YJU2B: variants seen among roughly 807,000 people sequenced by gnomAD.
YJU2B encodes the protein probable splicing factor YJU2B.
A neutral mutation model predicts 38.0 loss-of-function variants in YJU2B; 18 were observed. The ratio of observed to expected loss-of-function variants is 0.47; its 90% CI spans 0.33 to 0.70. YJU2B has a LOEUF of 0.70. Ranked by LOEUF, YJU2B falls within the 30% of genes least tolerant of loss-of-function variation. The pLI is 0.02. For synonymous variants in YJU2B, 246 were observed against 225.4 expected, an observed-to-expected ratio of 1.09 and a Z score of -0.82; for missense variants, 538 against 556.3, an observed-to-expected ratio of 0.97 and a Z score of 0.33.
intron 8 of YJU2B, chr19:13,759,627 A>T (rs1283668785): frequency 1.3e-5 from 2 of 154,772 alleles, no homozygotes; most frequent in Admixed American, 6.7e-5. Context: ...ATAGAAATTA[A>T]TTTTTTTTTT....
upstream of YJU2B, among the ~76,000 whole-genome samples, chr19:13,745,741 A>C (rs1366169886): frequency 2.4e-4 from 22 of 89,866 alleles, no homozygotes; most frequent in South Asian, 1.4e-3. Context: ...ATATATATAT[A>C]TAGATATATA....
In YJU2B at chr19:13,751,642, G is replaced by A. The variant is rs761404701; in HGVS notation, c.-167G>A. 1.7e-5 allele frequency: 11 copies of A among 660,580 alleles called. No individual in the cohort carries two copies. The highest frequency in any genetic ancestry group is 2.7e-5 in the East Asian group (1 of 36,862). The allele number at this position is 660,580 out of a possible 1,614,324, so 40.9% of individuals were successfully genotyped here. On this transcript the variant is annotated 5_prime_UTR_variant, in exon 2 of 10. Transcript: ENST00000221554. ...TTTTTGGATGCCTCCTATGCCTGGC[G>A]GGAGTCTTGTCTGAGCTGGCACCAC...
chr19:13,759,353 T>C, intron 8 of YJU2B, 81 bp downstream of exon 8: 1 of 1,195,708 alleles, frequency 8.4e-7, no homozygotes, highest in Non-Finnish European at 1.2e-6. Flanking sequence ...CACCACATCC[T>C]AGCTTTGAGC....
At position 13,751,615 on chromosome 19, in the gene YJU2B, G is replaced by A. The variant is rs367968958; in HGVS notation, c.-194G>A. Reference sequence around the variant, plus strand: ...CTCTCTCTTTCTAAACAGACACGCCGCTTTTTGGATGCCTCCTATGCCTGG... The same window carrying A: ...CTCTCTCTTTCTAAACAGACACGCCACTTTTTGGATGCCTCCTATGCCTGG... On this transcript the variant is annotated 5_prime_UTR_variant, in exon 2 of 10. Transcript: ENST00000221554. 8.0e-5 allele frequency: 48 copies of A among 598,712 alleles called. No homozygotes were observed. Among genetic ancestry groups the A allele is most frequent in the East Asian group, 7.4e-4 (26 of 35,370 alleles). 37.1% of individuals were successfully genotyped at this position (598,712 alleles called of 1,614,324 possible).
At chr19:13,742,377 A>G (rs1973118538) in intron 2 of YJU2B, among the ~76,000 whole-genome samples, 2 of 137,172 alleles carry the variant, frequency 1.5e-5, no homozygotes, top group Admixed American at 1.8e-4. Context: ...ATCTCGGCTC[A>G]CTGCAACCTC....
intron 1 of YJU2B, among the ~76,000 whole-genome samples, chr19:13,751,019 G>C (rs980325815): frequency 2.0e-5 from 3 of 152,156 alleles, no homozygotes; most frequent in Non-Finnish European, 4.4e-5. Flanking sequence ...GGCTTGGAGA[G>C]GCAGGCAGGG....
At chr19:13,735,425 G>A (rs562044890) in intron 2 of YJU2B, among the ~76,000 whole-genome samples, 1 of 152,060 alleles carries the variant, frequency 6.6e-6, no homozygotes, top group Non-Finnish European at 1.5e-5. Flanking sequence ...TGAGGATGTT[G>A]AGGTGATTTC....
At chr19:13,762,130 G>T (rs575877032) in intron 8 of YJU2B, among the ~76,000 whole-genome samples, 169 bp from the exon 9 acceptor site, 1 of 152,142 alleles carries the variant, frequency 6.6e-6, no homozygotes, top group African/African-American at 2.4e-5. Flanking sequence ...AGGAGTTCGA[G>T]GCTGCAGTGA....
intron 2 of YJU2B, among the ~76,000 whole-genome samples, chr19:13,736,998 G>T (rs1348269845): frequency 1.4e-5 from 2 of 144,000 alleles, no homozygotes; most frequent in East Asian, 4.1e-4. Flanking sequence ...CTGTGCTCCA[G>T]CCTGAGCAAC....
chr19:13,749,372 G>C (rs916028018), intron 1 of YJU2B, among the ~76,000 whole-genome samples: 2 of 152,130 alleles, frequency 1.3e-5, no homozygotes, highest in African/African-American at 4.8e-5. Flanking sequence ...GTGACATGAC[G>C]ATTATGTGAA....
chr19:13,754,480 G>C (rs1206031223), intron 3 of YJU2B, 138 bp downstream of exon 3: 1 of 722,478 alleles, frequency 1.4e-6, no homozygotes, highest in Non-Finnish European at 2.5e-6. Context: ...GAGTCTCGAG[G>C]CTGTCTTCAC....
chr19:13,762,364 G>A lies in YJU2B; in HGVS notation c.639G>A (p.Leu213=). Residue 213 remains leucine (L), a synonymous_variant, in exon 9 of 10, where the codon CTG becomes CTA. Transcript: ENST00000221554. ...AGGCCTTGCAGGCCAAGGCGAGCCT[G>A]ACCATCCCGCTGGTGCCCGAGACGG... ...RDQALQAKAS[L]TIPLVPETED... 6 of 1,614,016 alleles carry A rather than the reference G, an allele frequency of 3.7e-6. No homozygotes were observed. Among genetic ancestry groups the A allele is most frequent in the Non-Finnish European group, 5.1e-6 (6 of 1,180,036 alleles).
At chr19:13,762,177 A>G (rs749326833) in intron 8 of YJU2B, 122 bp from the exon 9 acceptor site, 106 of 1,204,212 alleles carry the variant, frequency 8.8e-5, no homozygotes, top group Non-Finnish European at 1.2e-4. Flanking sequence ...TCTGGGCGAC[A>G]GAATGAAACT....
intron 2 of YJU2B, among the ~76,000 whole-genome samples, chr19:13,741,598 G>A (rs1205959025): frequency 6.7e-6 from 1 of 150,010 alleles, no homozygotes; most frequent in Non-Finnish European, 1.5e-5. Context: ...AAAAAAATTA[G>A]CTAGGCATGG....
At chr19:13,760,651 C>T (rs1260809496) in intron 8 of YJU2B, among the ~76,000 whole-genome samples, 3 of 151,740 alleles carry the variant, frequency 2.0e-5, no homozygotes, top group Non-Finnish European at 1.5e-5. Flanking sequence ...TGGAGTACAG[C>T]GGCAAATCAT....
At position 13,762,433 on chromosome 19, in the gene YJU2B, G is replaced by A; in HGVS notation, c.708G>A (p.Leu236=). The part of the protein sequence containing the change: ...KLAALLKFHT[L]DSYEDKQKLK... ...CGGCTCTGCTGAAGTTCCACACCCTGGACTGTGCGTAGGAGGCCAGGGGGA... is the reference window on the plus strand; with the variant it reads ...CGGCTCTGCTGAAGTTCCACACCCTAGACTGTGCGTAGGAGGCCAGGGGGA... The change falls in exon 9 of 10, where the codon CTG becomes CTA. Residue 236 remains leucine (L), a synonymous_variant. Coordinates refer to ENST00000221554, the MANE Select transcript of YJU2B (RefSeq NM_030818.4). The A allele has an allele frequency of 1.9e-6, 3 of 1,612,594 alleles. No individual in the cohort carries two copies. Among genetic ancestry groups the A allele is most frequent in the Non-Finnish European group, 2.5e-6 (3 of 1,179,888 alleles).
chr19:13,756,395 A>G, intron 4 of YJU2B, 116 bp downstream of exon 4: 1 of 761,496 alleles, frequency 1.3e-6, no homozygotes, highest in Non-Finnish European at 2.3e-6. Context: ...ATAAAGCAGA[A>G]AGTCACCGTA....
At chr19:13,749,144 C>T (rs1973359130) in intron 1 of YJU2B, among the ~76,000 whole-genome samples, 1 of 152,214 alleles carries the variant, frequency 6.6e-6, no homozygotes, top group South Asian at 2.1e-4. Context: ...GCTGGGATTA[C>T]AGGCGTACGC....
At chr19:13,742,209 T>C (rs1432155289) in intron 2 of YJU2B, among the ~76,000 whole-genome samples, 1 of 149,640 alleles carries the variant, frequency 6.7e-6, no homozygotes, top group Non-Finnish European at 1.5e-5. Context: ...TCATTTCCCC[T>C]CAAAACTGCC....
Sources: allele counts gnomAD v4.1 joint callset (sites outside exome capture counted in the v4.1 genomes callset), GRCh38; gene constraint gnomAD v4.1.1; transcripts MANE v1.5; gene names NCBI Gene and HGNC (gene_info 2026-07-23, HGNC 2026-07-21).